RBFOX1: variants seen among roughly 807,000 people sequenced by gnomAD.
The protein encoded by RBFOX1 is RNA binding fox-1 homolog 1, also known as RNA binding protein fox-1 homolog 1.
Under a neutral mutation model 57.7 loss-of-function variants are expected in RBFOX1, and 8 were observed. That is an observed-to-expected ratio of 0.14 (90% CI 0.08 to 0.25). The LOEUF (loss-of-function observed/expected upper bound fraction) is 0.25. RBFOX1 is among the 10% of genes least tolerant of loss of function. The pLI, the probability that RBFOX1 is intolerant of heterozygous loss-of-function variation, is 1.00. For synonymous variants in RBFOX1, 326 were observed against 222.4 expected (o/e 1.47, Z -4.15); for missense variants, 611 against 548.5 (o/e 1.11, Z -1.14).
At position 7,297,930 on chromosome 16, in the gene RBFOX1, A is replaced by G. The variant is rs544684284; in HGVS notation, c.28-220217A>G. On this transcript the variant is annotated intron_variant, in intron 4 of 15. Transcript: ENST00000550418. ...ACTTCACATGACTGCATGTATGCCTATTTTACGCACATGCATATGCACATA... is the reference window on the plus strand; with the variant it reads ...ACTTCACATGACTGCATGTATGCCTGTTTTACGCACATGCATATGCACATA... Among the ~76,000 whole-genome samples the G allele has an allele frequency of 1.8e-4, 28 of 151,740 alleles. No individual in the cohort carries two copies. The East Asian group carries it at 4.5e-3, about 24-fold the overall frequency.
chr16:6,116,974 A>G (rs1027622131), intron 1 of RBFOX1, among the ~76,000 whole-genome samples: 2 of 152,210 alleles, frequency 1.3e-5, no homozygotes, highest in Non-Finnish European at 2.9e-5. Flanking sequence ...GGCAGATACT[A>G]GAAGTCCTTT....
At chr16:6,961,875 G>A (rs1319581057) in intron 3 of RBFOX1, among the ~76,000 whole-genome samples, 1 of 152,224 alleles carries the variant, frequency 6.6e-6, no homozygotes, top group East Asian at 1.9e-4. Flanking sequence ...GTTTGGGTGG[G>A]TTTTAGCTGG....
chr16:7,015,063 G>C (rs886399244), intron 3 of RBFOX1, among the ~76,000 whole-genome samples: 1 of 152,142 alleles, frequency 6.6e-6, no homozygotes, highest in African/African-American at 2.4e-5. Context: ...CAGGGATTCT[G>C]TTTATCTTTT....
chr16:7,132,118 T>A (rs972984365), intron 4 of RBFOX1, among the ~76,000 whole-genome samples: 4 of 151,270 alleles, frequency 2.6e-5, no homozygotes, highest in Non-Finnish European at 5.9e-5. Context: ...CAGGCTGGAA[T>A]TACAGGCACC....
At chr16:6,437,894 G>T (rs2094280695) in intron 2 of RBFOX1, among the ~76,000 whole-genome samples, 1 of 152,122 alleles carries the variant, frequency 6.6e-6, no homozygotes, top group African/African-American at 2.4e-5. Flanking sequence ...AACATTAAGA[G>T]TTATAATTCA....
intron 8 of RBFOX1, 26 bp downstream of exon 8, chr16:7,595,667 T>A: frequency 1.3e-6 from 2 of 1,547,834 alleles, no homozygotes; most frequent in Non-Finnish European, 1.8e-6. Flanking sequence ...ATTTTCCTTT[T>A]CATCTTTTTT....
chr16:6,586,898 TA>T (rs1231236913), intron 2 of RBFOX1, among the ~76,000 whole-genome samples: 3 of 152,198 alleles, frequency 2.0e-5, no homozygotes, highest in Non-Finnish European at 4.4e-5. Flanking sequence ...AAATTGACAC[TA>T]AAAATTGTAT....
chr16:7,251,501 C>T (rs1032077911), intron 4 of RBFOX1, among the ~76,000 whole-genome samples: 2 of 150,798 alleles, frequency 1.3e-5, no homozygotes, highest in South Asian at 2.1e-4. Flanking sequence ...ACCTCTGCCT[C>T]GTGGGTTCAA....
At position 5,951,930 on chromosome 16, in the gene RBFOX1, G is replaced by C. The variant is rs372349291; in HGVS notation, c.351+84595G>C. Among the ~76,000 whole-genome samples, 7 of 151,608 alleles carry C rather than the reference G, an allele frequency of 4.6e-5. No individual in the cohort carries two copies. The East Asian group carries it at 1.2e-3, about 25-fold the overall frequency. The stretch of plus-strand genomic sequence containing the variant: ...CTCTCAAGGTGTAGACTAATTACCA[G>C]GTACGTCAGAATCACCTGTGCTGGT... On this transcript the variant is annotated intron_variant, in intron 4 of 19. Coordinates refer to the RBFOX1 transcript ENST00000641259.
At chr16:6,227,946 C>A (rs143262071) in intron 1 of RBFOX1, among the ~76,000 whole-genome samples, 2 of 152,124 alleles carry the variant, frequency 1.3e-5, no homozygotes, top group African/African-American at 4.8e-5. Flanking sequence ...GATTATACAT[C>A]CAAAGAAAAT....
At chr16:5,264,594 G>A (rs1306336534) in intron 1 of RBFOX1, among the ~76,000 whole-genome samples, 2 of 152,068 alleles carry the variant, frequency 1.3e-5, no homozygotes, top group Non-Finnish European at 1.5e-5. Context: ...TTTTGTATTT[G>A]CATTTTTTCT....
chr16:7,141,224 G>A (rs1400244157), intron 4 of RBFOX1, among the ~76,000 whole-genome samples: 5 of 152,176 alleles, frequency 3.3e-5, no homozygotes, highest in Admixed American at 6.5e-5. Flanking sequence ...GAGTGTTAGT[G>A]CTGGATCCAG....
intron 4 of RBFOX1, among the ~76,000 whole-genome samples, chr16:7,187,952 A>G (rs1173719961): frequency 6.6e-6 from 1 of 152,214 alleles, no homozygotes; most frequent in Non-Finnish European, 1.5e-5. Flanking sequence ...CACTTTAAGA[A>G]TCAACTCACA....
At chr16:5,788,674 C>CA (rs1422870201) in intron 3 of RBFOX1, among the ~76,000 whole-genome samples, 2 of 152,066 alleles carry the variant, frequency 1.3e-5, no homozygotes, top group Non-Finnish European at 2.9e-5. Context: ...TTCAAAAGAG[C>CA]AAAGATAGGC....
intron 4 of RBFOX1, among the ~76,000 whole-genome samples, chr16:7,395,083 A>G (rs572271213): frequency 3.7e-4 from 56 of 152,212 alleles, no homozygotes; most frequent in African/African-American, 1.3e-3. Context: ...TGTTGATTCA[A>G]ACCAATTTTT....
chr16:7,696,680 C>T (rs769336842), intron 14 of RBFOX1, among the ~76,000 whole-genome samples: 2 of 152,022 alleles, frequency 1.3e-5, no homozygotes, highest in African/African-American at 2.4e-5. Context: ...GATCCCAAAG[C>T]ACGTATATGA....
intron 4 of RBFOX1, among the ~76,000 whole-genome samples, chr16:7,357,482 C>T (rs373832850): frequency 1.3e-5 from 2 of 152,104 alleles, no homozygotes; most frequent in African/African-American, 2.4e-5. Flanking sequence ...CACCTTTTTG[C>T]CCTACAACTG....
At chr16:7,207,241 G>A (rs1013142191) in intron 4 of RBFOX1, among the ~76,000 whole-genome samples, 4 of 152,094 alleles carry the variant, frequency 2.6e-5, no homozygotes, top group African/African-American at 7.2e-5. Flanking sequence ...ATCATTGGCC[G>A]GGCGTTATGG....
At chr16:6,265,428 A>G (rs1360568477) in intron 1 of RBFOX1, among the ~76,000 whole-genome samples, 5 of 151,770 alleles carry the variant, frequency 3.3e-5, no homozygotes, top group Admixed American at 2.6e-4. Flanking sequence ...TGCCCAGCTA[A>G]TTTTTGTATT....
Sources: gnomAD v4.1 joint callset for allele counts (sites outside exome capture counted in the v4.1 genomes callset) on GRCh38, gnomAD v4.1.1 for gene constraint, MANE v1.5 for transcripts, NCBI Gene and HGNC (gene_info 2026-07-23, HGNC 2026-07-21) for gene names.